The following PXDNL variants were observed in gnomAD, a reference collection of about 807,000 sequenced individuals.
The protein encoded by PXDNL is probable oxidoreductase PXDNL.
PXDNL carries 145 observed loss-of-function variants against 150.8 expected under a neutral mutation model. The ratio of observed to expected loss-of-function variants is 0.96; its 90% CI spans 0.84 to 1.10. PXDNL has a LOEUF of 1.10. PXDNL is among the 50% of genes least tolerant of loss of function. The probability of loss-of-function intolerance (pLI) is 0.00; values close to 1 mark genes in which losing one functional copy is unlikely to be tolerated. For synonymous variants in PXDNL, 757 were observed against 725.7 expected (o/e 1.04, Z -0.69); for missense variants, 2,087 against 1,873.9 (o/e 1.11, Z -2.10).
chr8:51,800,430 C>T lies in PXDNL; in HGVS notation c.164+8751G>A, dbSNP rs190873532. ...CAGATAAGACAGGAAAGGTGTGTCA[C>T]GCAGCCTGGGAGTAACAGGGAGAAG... On this transcript the variant is annotated intron_variant, in intron 1 of 22. Transcript: ENST00000356297. 1.2e-3 allele frequency among the ~76,000 whole-genome samples: 181 copies of T among 152,216 alleles called. 2 individuals carry two copies. Among genetic ancestry groups the T allele is most frequent in the East Asian group, 1.7e-3 (9 of 5,178 alleles).
At chr8:51,435,191 C>T (rs1809362294) in intron 12 of PXDNL, among the ~76,000 whole-genome samples, 1 of 152,070 alleles carries the variant, frequency 6.6e-6, no homozygotes, top group Admixed American at 6.5e-5. Flanking sequence ...CATGGTGGCA[C>T]ATGCTTGTAA....
intron 19 of PXDNL, among the ~76,000 whole-genome samples, chr8:51,368,665 G>A (rs570590102): frequency 3.9e-4 from 59 of 152,216 alleles, no homozygotes; most frequent in Admixed American, 1.8e-3. Flanking sequence ...CATCCCAAAC[G>A]GAGGTCTCTA....
intron 3 of PXDNL, 46 bp from the exon 4 acceptor site, chr8:51,556,957 AC>A: frequency 1.8e-6 from 2 of 1,128,426 alleles, no homozygotes; most frequent in Non-Finnish European, 2.7e-6. Context: ...TAGTAGAGAT[AC>A]CACATGTCTT....
At chr8:51,455,155 A>G (rs1416734521) in intron 9 of PXDNL, among the ~76,000 whole-genome samples, 1 of 150,580 alleles carries the variant, frequency 6.6e-6, no homozygotes, top group Non-Finnish European at 1.5e-5. Context: ...AAGTATAGGG[A>G]AAGTTATTAT....
chr8:51,765,014 C>G (rs1014166418), intron 1 of PXDNL, among the ~76,000 whole-genome samples: 1 of 152,050 alleles, frequency 6.6e-6, no homozygotes, highest in Non-Finnish European at 1.5e-5. Context: ...GATGAACTAA[C>G]CATTTCATTA....
chr8:51,491,267 T>A (rs1810888670), intron 5 of PXDNL, among the ~76,000 whole-genome samples: 1 of 152,136 alleles, frequency 6.6e-6, no homozygotes. Flanking sequence ...TTTTTATACA[T>A]CTATCTATCC....
intron 3 of PXDNL, among the ~76,000 whole-genome samples, chr8:51,572,007 T>C (rs959716001): frequency 3.3e-5 from 5 of 151,848 alleles, no homozygotes; most frequent in Non-Finnish European, 7.4e-5. Context: ...CAGTATGCTT[T>C]TGACTTACAA....
At chr8:51,613,566 C>G (rs998128058) in intron 2 of PXDNL, among the ~76,000 whole-genome samples, 13 of 151,968 alleles carry the variant, frequency 8.6e-5, no homozygotes, top group African/African-American at 3.1e-4. Flanking sequence ...TCATTACTAC[C>G]AGAATTACTA....
chr8:51,433,360 C>T (rs935779603), intron 12 of PXDNL, among the ~76,000 whole-genome samples: 1 of 151,710 alleles, frequency 6.6e-6, no homozygotes, highest in Admixed American at 6.6e-5. Context: ...AAGATCTTCT[C>T]TTAATAATTA....
Position 51,408,244 on chromosome 8 carries a change from A to G in PXDNL, c.3380T>C (p.Phe1127Ser). ...CACGGCCGCAGAATAAGCCGCGGAG[A>G]AGAGCCTCTGGGTCAGCTCAGGACT... is the stretch of plus-strand genomic sequence containing the variant. ...LLSPELTQRL[F>S]SAAYSAAVDS... is the part of the protein sequence containing the mutation. Residue 1127 changes from phenylalanine (F) to serine (S), a missense_variant, in exon 17 of 23, where the codon TTC becomes TCC. Physicochemically the swap from Phe to Ser is radical, Grantham distance 155. Coordinates refer to ENST00000356297, the MANE Select transcript of PXDNL (RefSeq NM_144651.5). The G allele has an allele frequency of 1.9e-6, 3 of 1,614,022 alleles. No individual in the cohort carries two copies. The highest frequency in any genetic ancestry group is 2.5e-6 in the Non-Finnish European group (3 of 1,179,908).
At chr8:51,744,063 AAGGAAGGAAGGAAG>A (rs1214207537) in intron 1 of PXDNL, among the ~76,000 whole-genome samples, 1,758 of 75,918 alleles carry the variant, frequency 0.023, 114 homozygotes, top group African/African-American at 0.043. Context: ...GGAAGGAAGG[AAGGAAGGAAGGAAG>A]GAAGGAAGGA....
chr8:51,339,479 C>CA (rs982927852), intron 21 of PXDNL, 145 bp downstream of exon 21: 522 of 787,888 alleles, frequency 6.6e-4, no homozygotes, highest in East Asian at 8.6e-4. Flanking sequence ...AAAGTAAAAA[C>CA]AAAAAAAAAG....
At chr8:51,761,004 GC>G (rs2037159051) in intron 1 of PXDNL, among the ~76,000 whole-genome samples, 2 of 146,072 alleles carry the variant, frequency 1.4e-5, no homozygotes, top group East Asian at 4.0e-4. Context: ...TTCGACAGGC[GC>G]CCGCCACAAC....
At chr8:51,392,149 G>A (rs1480222940) in intron 17 of PXDNL, among the ~76,000 whole-genome samples, 1 of 152,174 alleles carries the variant, frequency 6.6e-6, no homozygotes, top group African/African-American at 2.4e-5. Context: ...TGGCCTTGTA[G>A]TATAGTTTGA....
At chr8:51,643,252 A>C (rs1388370308) in intron 2 of PXDNL, among the ~76,000 whole-genome samples, 1 of 152,236 alleles carries the variant, frequency 6.6e-6, no homozygotes, top group Admixed American at 6.5e-5. Context: ...CTAAGCAAAA[A>C]GAACAAAGCT....
At chr8:51,642,829 A>T (rs979675093) in intron 2 of PXDNL, among the ~76,000 whole-genome samples, 1 of 152,164 alleles carries the variant, frequency 6.6e-6, no homozygotes, top group African/African-American at 2.4e-5. Flanking sequence ...AAGCTGATAA[A>T]CAACTTCAGC....
At chr8:51,767,334 T>A (rs2037242631) in intron 1 of PXDNL, among the ~76,000 whole-genome samples, 1 of 152,026 alleles carries the variant, frequency 6.6e-6, no homozygotes, top group South Asian at 2.1e-4. Flanking sequence ...ATAAGGCAAC[T>A]TTTAAAATCT....
chr8:51,410,401 G>A (rs1808592614), intron 16 of PXDNL, among the ~76,000 whole-genome samples: 1 of 152,214 alleles, frequency 6.6e-6, no homozygotes, highest in African/African-American at 2.4e-5. Context: ...TCCCTGGCTG[G>A]ATCCTGAGAT....
chr8:51,403,898 G>A (rs553741746), intron 17 of PXDNL, among the ~76,000 whole-genome samples: 1 of 152,306 alleles, frequency 6.6e-6, no homozygotes, highest in East Asian at 1.9e-4. Flanking sequence ...GGTCTTAAAG[G>A]TGGTGTGTCC....
Sources: allele counts gnomAD v4.1 joint callset (sites outside exome capture counted in the v4.1 genomes callset), GRCh38; gene constraint gnomAD v4.1.1; transcripts MANE v1.5; gene names NCBI Gene and HGNC (gene_info 2026-07-23, HGNC 2026-07-21).